The following PHACTR2 variants were observed in gnomAD, a reference collection of about 807,000 sequenced individuals.
The protein encoded by PHACTR2 is phosphatase and actin regulator 2.
PHACTR2 carries 30 observed loss-of-function variants against 76.0 expected under a neutral mutation model. The ratio of observed to expected loss-of-function variants is 0.39; its 90% CI spans 0.30 to 0.54. The LOEUF (loss-of-function observed/expected upper bound fraction) is 0.54. Ranked by LOEUF, PHACTR2 falls within the 20% of genes least tolerant of loss-of-function variation. The pLI is 0.61. For missense variants in PHACTR2, 696 were observed against 781.1 expected (o/e 0.89, Z 1.30); for synonymous variants, 292 against 292.5 (o/e 1.00, Z 0.02).
Position 143,613,232 on chromosome 6 carries a change from C to T in PHACTR2, c.13+4910C>T, listed in dbSNP as rs183883123. 5.6e-4 allele frequency among the ~76,000 whole-genome samples: 86 copies of T among 152,370 alleles called. 1 individual carries two copies. Among genetic ancestry groups the T allele is most frequent in the South Asian group, 1.0e-3 (5 of 4,834 alleles). ...CCTCGTGATCCACCCGCCTCGGCCT[C>T]CCGAAGTGCTGGGATTACAGGCGTG... is the stretch of plus-strand genomic sequence containing the variant. On this transcript the variant is annotated intron_variant, in intron 1 of 11. Transcript: ENST00000305766.
Position 143,636,906 on chromosome 6 carries a change from A to G in PHACTR2, c.13+28584A>G, listed in dbSNP as rs559938236. Among the ~76,000 whole-genome samples the G allele has an allele frequency of 6.0e-4, 92 of 152,342 alleles. 1 individual carries two copies. Among genetic ancestry groups the G allele is most frequent in the Admixed American group, 4.7e-3 (72 of 15,292 alleles). On this transcript the variant is annotated intron_variant, in intron 1 of 11. Coordinates refer to the PHACTR2 transcript ENST00000305766. ...CTTAGTACCTTTCTCATGTAGATGA[A>G]TATAATTCTAGCTGAAAGTGGAATA...
intron 1 of PHACTR2, among the ~76,000 whole-genome samples, chr6:143,699,969 G>T (rs1407555529): frequency 6.6e-6 from 1 of 152,122 alleles, no homozygotes; most frequent in Non-Finnish European, 1.5e-5. Flanking sequence ...ATGCCTGCAG[G>T]TTTCATGTCT....
At chr6:143,538,457 A>T (rs115661818) in intron 1 of PHACTR2, among the ~76,000 whole-genome samples, 2 of 152,244 alleles carry the variant, frequency 1.3e-5, no homozygotes, top group East Asian at 3.8e-4. Flanking sequence ...TCTGATGTGC[A>T]ATCTTTGTAG....
In PHACTR2 at chr6:143,539,203, T is replaced by C. The variant is rs7742227; in HGVS notation, c.217+1996T>C. ...CCAATTTATAAAATTATTTTACTTCTGAGGACTCTTTGTCTTTTCTGTGTC... is the reference window on the plus strand; with the variant it reads ...CCAATTTATAAAATTATTTTACTTCCGAGGACTCTTTGTCTTTTCTGTGTC... On this transcript the variant is annotated intron_variant, in intron 1 of 11. Transcript: ENST00000367584. This position sits in a 1 kb window ranked among gnomAD's most constrained non-coding sequence, Gnocchi z 4.3. 0.37 allele frequency among the ~76,000 whole-genome samples: 56,045 copies of C among 152,154 alleles called. 13,517 individuals are homozygous for C. Among genetic ancestry groups the C allele is most frequent in the African/African-American group, 0.66 (27,525 of 41,486 alleles).
At chr6:143,746,121 G>C (rs973852390) in intron 2 of PHACTR2, among the ~76,000 whole-genome samples, 1 of 152,196 alleles carries the variant, frequency 6.6e-6, no homozygotes, top group Non-Finnish European at 1.5e-5. Context: ...AAAGGTGCCC[G>C]AGCAGAGATT....
chr6:143,830,130 C>G lies in PHACTR2; in HGVS notation c.*6441C>G, dbSNP rs867167586. 9.9e-5 allele frequency: 15 copies of G among 152,230 alleles called. No homozygotes were observed. Among genetic ancestry groups the G allele is most frequent in the African/African-American group, 3.1e-4 (13 of 41,546 alleles). The allele number at this position is 152,230 out of a possible 1,614,324, so 9.4% of individuals were successfully genotyped here. A position where few individuals can be genotyped will look rare whatever the true frequency, so the allele number is the denominator to read the frequency against. On this transcript the variant is annotated 3_prime_UTR_variant, in exon 13 of 13. Transcript: ENST00000440869. ...TCAGAATGATTCAAGGGTCAAACCA[C>G]TTTCATCCCTTAAAATATAGGGACT...
At chr6:143,632,809 C>T (rs920558192) in intron 1 of PHACTR2, among the ~76,000 whole-genome samples, 4 of 152,166 alleles carry the variant, frequency 2.6e-5, no homozygotes, top group African/African-American at 9.7e-5. Flanking sequence ...TTTTTACTGT[C>T]TCCATAGTTT....
chr6:143,783,258 T>G lies in PHACTR2; in HGVS notation c.1685T>G (p.Leu562Arg). 1 of 1,609,144 alleles carries G rather than the reference T, an allele frequency of 6.2e-7. No individual in the cohort carries two copies. ...GAGGAACAAGAAGCAAAAATGGAAC[T>G]TAAACGCAGACTCAGCAGAAAGGTA... ...EEEEQEAKMELKRRLSRKLSL... is the reference protein window; with the variant it reads ...EEEEQEAKMERKRRLSRKLSL... Residue 562 changes from leucine to arginine, a missense_variant, in exon 10 of 13, where the codon CTT becomes CGT. By Grantham distance (102) the Leu-to-Arg change is moderately radical (BLOSUM62 -2). This residue lies in a region of PHACTR2 where 236 missense variants were observed against 330.2 expected (regional missense o/e 0.71). Transcript: ENST00000440869. The surrounding 1 kb of genome is among the most constrained non-coding windows in gnomAD (Gnocchi z 5.2).
chr6:143,727,882 A>T (rs370444274), intron 2 of PHACTR2, among the ~76,000 whole-genome samples: 1 of 152,232 alleles, frequency 6.6e-6, no homozygotes, highest in Admixed American at 6.5e-5. Flanking sequence ...AACAGCTAAC[A>T]TAATGCTGAA....
chr6:143,640,440 A>G (rs11155313), intron 1 of PHACTR2, among the ~76,000 whole-genome samples: 44,703 of 152,084 alleles, frequency 0.29, 6,595 homozygotes, highest in Middle Eastern at 0.39. Context: ...ACAGAGAGAC[A>G]TAAGGAGAGC....
chr6:143,574,580 C>CT (rs1372046655), intron 1 of PHACTR2, among the ~76,000 whole-genome samples: 2 of 151,750 alleles, frequency 1.3e-5, no homozygotes, highest in African/African-American at 4.8e-5. Flanking sequence ...GAAATTTCTT[C>CT]TTATGATCAC....
At chr6:143,805,594 T>C (rs1034634962) in intron 11 of PHACTR2, among the ~76,000 whole-genome samples, 39 of 152,170 alleles carry the variant, frequency 2.6e-4, no homozygotes, top group African/African-American at 8.7e-4. Flanking sequence ...GCATCACTTT[T>C]TGCAGTAAGC....
rs1775221814 is a variant in PHACTR2 at position 143,774,183 on chromosome 6, A to T, written c.1557A>T (p.Glu519Asp). 6.2e-7 allele frequency: 1 copy of T among 1,614,018 alleles called. No homozygotes were observed. Among genetic ancestry groups the T allele is most frequent in the Non-Finnish European group, 8.5e-7 (1 of 1,179,974 alleles). Residue 519 changes from glutamate to aspartate, a missense_variant, in exon 8 of 13, where the codon GAA becomes GAT. Glu to Asp is a conservative substitution (Grantham distance 45, BLOSUM62 2). This residue lies in a region of PHACTR2 where 236 missense variants were observed against 330.2 expected (regional missense o/e 0.71). Transcript: ENST00000440869. This position sits in a 1 kb window ranked among gnomAD's most constrained non-coding sequence, Gnocchi z 5.4. ...LQRTSEEERQ[E>D]IRQQIGTKLV... ...GTACATCTGAAGAAGAGAGGCAGGA[A>T]ATCCGACAACAAATTGGAACCAAGT...
rs550919576 is a variant in PHACTR2 at position 143,549,058 on chromosome 6, C to T, written c.217+11851C>T. Among the ~76,000 whole-genome samples the T allele has an allele frequency of 3.9e-5, 6 of 152,036 alleles. No homozygotes were observed. The highest frequency in any genetic ancestry group is 9.6e-5 in the African/African-American group (4 of 41,516). ...CATGAAGACAGGCATTCTCTCCCCC[C>T]GACCCAGATTGACATGGTGCCTGAT... On this transcript the variant is annotated intron_variant, in intron 1 of 11. Coordinates refer to the PHACTR2 transcript ENST00000367584. The surrounding 1 kb of genome is among the most constrained non-coding windows in gnomAD (Gnocchi z 4.2).
rs1333438839 is a variant in PHACTR2 at position 143,663,367 on chromosome 6, C to T, written c.14-48649C>T. 6.6e-6 allele frequency among the ~76,000 whole-genome samples: 1 copy of T among 152,132 alleles called. No homozygotes were observed. The highest frequency in any genetic ancestry group is 6.5e-5 in the Admixed American group (1 of 15,270). Reference sequence around the variant, plus strand: ...CGTGGATGAATGAAGTACTGAATATCCCAAAGCATTGAATCACTTCTCTTG... The same window carrying T: ...CGTGGATGAATGAAGTACTGAATATTCCAAAGCATTGAATCACTTCTCTTG... On this transcript the variant is annotated intron_variant, in intron 1 of 11. Coordinates refer to the PHACTR2 transcript ENST00000305766. This position sits in a 1 kb window ranked among gnomAD's most constrained non-coding sequence, Gnocchi z 4.1.
chr6:143,558,644 G>A lies in PHACTR2; in HGVS notation c.217+21437G>A, dbSNP rs2027280. Among the ~76,000 whole-genome samples the A allele has an allele frequency of 0.28, 42,406 of 152,052 alleles. 7,218 individuals carry two copies. Among genetic ancestry groups the A allele is most frequent in the Non-Finnish European group, 0.39 (26,548 of 67,930 alleles). On this transcript the variant is annotated intron_variant, in intron 1 of 11. Transcript: ENST00000367584. The surrounding 1 kb of genome is among the most constrained non-coding windows in gnomAD (Gnocchi z 4.7). ...TTTAGTAATATTCTGGGTAGAGAAA[G>A]GTAAGGAGTGTGTACCAATGACCTC...
At chr6:143,575,848 A>G (rs140301892) in intron 1 of PHACTR2, among the ~76,000 whole-genome samples, 3 of 151,910 alleles carry the variant, frequency 2.0e-5, no homozygotes, top group African/African-American at 4.8e-5. Flanking sequence ...TCTTAAGTAC[A>G]TTAAGTCTTT....
At chr6:143,804,955 T>A (rs547425579) in intron 11 of PHACTR2, among the ~76,000 whole-genome samples, 1 of 152,362 alleles carries the variant, frequency 6.6e-6, no homozygotes, top group Admixed American at 6.5e-5. Flanking sequence ...TGATTAATTC[T>A]CATGATATTG....
At chr6:143,812,248 G>C (rs1210078945) in intron 12 of PHACTR2, among the ~76,000 whole-genome samples, 2 of 152,084 alleles carry the variant, frequency 1.3e-5, no homozygotes, top group Non-Finnish European at 2.9e-5. Context: ...AGGCATGGGA[G>C]GGAGACTTCT....
Sources: gnomAD v4.1 joint callset for allele counts (sites outside exome capture counted in the v4.1 genomes callset) on GRCh38, gnomAD v4.1.1 for gene constraint, gnomAD v4.1.1 regional missense constraint, Gnocchi (gnomAD v3.1) non-coding constraint, MANE v1.5 for transcripts, NCBI Gene and HGNC (gene_info 2026-07-23, HGNC 2026-07-21) for gene names.